TRIM14: variants seen among roughly 807,000 people sequenced by gnomAD.
TRIM14 encodes the protein tripartite motif containing 14.
Under a neutral mutation model 44.5 loss-of-function variants are expected in TRIM14, and 28 were observed. That is an observed-to-expected ratio of 0.63 (90% CI 0.47 to 0.86). The LOEUF (loss-of-function observed/expected upper bound fraction) is 0.86, where lower values mean the gene tolerates loss of function less well. Ranked by LOEUF, TRIM14 falls within the 40% of genes least tolerant of loss-of-function variation. The probability of loss-of-function intolerance (pLI) is 0.00; values close to 1 mark genes in which losing one functional copy is unlikely to be tolerated. For missense variants in TRIM14, 607 were observed against 611.1 expected (o/e 0.99, Z 0.07); for synonymous variants, 299 against 269.2 (o/e 1.11, Z -1.08).
intron 1 of TRIM14, among the ~76,000 whole-genome samples, chr9:98,112,222 T>C (rs138281993): frequency 6.6e-6 from 1 of 152,334 alleles, no homozygotes; most frequent in African/African-American, 2.4e-5. Flanking sequence ...CATATGTGAT[T>C]AAAACTACTT....
chr9:98,080,944 C>G, downstream of TRIM14: 1 of 1,614,208 alleles, frequency 6.2e-7, no homozygotes, highest in African/African-American at 1.3e-5. Context: ...TGGACAAGAC[C>G]TGGAAGGGGA....
At position 98,087,737 on chromosome 9, in the gene TRIM14, G is replaced by A. The variant is rs776463307; in HGVS notation, c.1062C>T (p.Arg354=). Residue 354 remains arginine (R), a synonymous_variant, in exon 6 of 6, where the codon CGC becomes CGT. Coordinates refer to ENST00000341469, the MANE Select transcript of TRIM14 (RefSeq NM_014788.4). ...ACCAGGACTGGCGGTTGCAGCCCAG[G>A]CGGGCGGCGGCCGAGGCCCCGCGGC... ...LRRRGASAAA[R]LGCNRQSWCL... is the part of the protein sequence containing the mutation. 4 of 1,569,432 alleles carry A rather than the reference G, an allele frequency of 2.5e-6. No individual in the cohort carries two copies. In the East Asian group the frequency reaches 9.3e-5, roughly 37 times the overall value.
At chr9:98,037,572 G>A in the TRIM14 span, among the ~76,000 whole-genome samples, 1 of 152,314 alleles carries the variant, frequency 6.6e-6, no homozygotes, top group East Asian at 1.9e-4. Context: ...GAAACAGGCT[G>A]TGCCAAGACC....
intron 1 of TRIM14, among the ~76,000 whole-genome samples, 182 bp downstream of exon 1, chr9:98,118,798 TCC>T (rs1375162586): frequency 4.6e-5 from 7 of 152,322 alleles, no homozygotes; most frequent in Non-Finnish European, 2.9e-5. Context: ...CCTTTGCCCT[TCC>T]TTGGGTCTCA....
chr9:98,058,941 A>G, the TRIM14 span, among the ~76,000 whole-genome samples: 2 of 152,162 alleles, frequency 1.3e-5, no homozygotes, highest in African/African-American at 2.4e-5. Flanking sequence ...ACTTTCCAGC[A>G]TCAAGTCCTG....
downstream of TRIM14, among the ~76,000 whole-genome samples, chr9:98,068,386 T>C (rs148703980): frequency 5.6e-3 from 849 of 152,132 alleles, 5 homozygotes; most frequent in African/African-American, 0.019. Flanking sequence ...GTGATCTGCC[T>C]TCCTCGGCCT....
Position 98,084,638 on chromosome 9 carries a change from G to C in TRIM14, c.*2832C>G, listed in dbSNP as rs572922065. 1 of 152,302 alleles carries C rather than the reference G, an allele frequency of 6.6e-6. No individual in the cohort carries two copies. The highest frequency in any genetic ancestry group is 2.1e-4 in the South Asian group (1 of 4,822). 9.4% of individuals were successfully genotyped at this position (152,302 alleles called of 1,614,324 possible). A position where few individuals can be genotyped will look rare whatever the true frequency, so the allele number is the denominator to read the frequency against. ...CCGTGCAAGCTCCCTTGGGAATGCTGATAAATCCTGGCATGATACAGCAGT... is the reference window on the plus strand; with the variant it reads ...CCGTGCAAGCTCCCTTGGGAATGCTCATAAATCCTGGCATGATACAGCAGT... On this transcript the variant is annotated 3_prime_UTR_variant, in exon 6 of 6. Coordinates refer to ENST00000341469, the MANE Select transcript of TRIM14 (RefSeq NM_014788.4).
the TRIM14 span, among the ~76,000 whole-genome samples, chr9:98,044,282 A>G: frequency 6.6e-6 from 1 of 151,494 alleles, no homozygotes; most frequent in East Asian, 1.9e-4. Flanking sequence ...GTTGCACGTC[A>G]TGAGGGTCAA....
chr9:98,119,071 G>A lies in TRIM14; in HGVS notation c.118C>T (p.Arg40Cys). Reference sequence around the variant, plus strand: ...GGGCAAAGCGCGCACACGCAGCGGCGGCAGCGGCGACAGAAGAGCTCAGCC... The same window carrying A: ...GGGCAAAGCGCGCACACGCAGCGGCAGCAGCGGCGACAGAAGAGCTCAGCC... ...RVAELFCRRC[R>C]RCVCALCPVL... Residue 40 changes from arginine to cysteine, a missense_variant, in exon 1 of 6, where the codon CGC (arginine) becomes TGC (cysteine). By Grantham distance (180) the Arg-to-Cys change is radical. Around this residue, in one of 3 missense-constraint regions of TRIM14, gnomAD observed 246 missense variants for 270.8 expected, o/e 0.91. Coordinates refer to ENST00000341469, the MANE Select transcript of TRIM14 (RefSeq NM_014788.4). The A allele has an allele frequency of 1.9e-6, 3 of 1,581,578 alleles. No individual in the cohort carries two copies. Among genetic ancestry groups the A allele is most frequent in the Non-Finnish European group, 2.6e-6 (3 of 1,173,922 alleles).
chr9:98,076,941 A>G (rs1829618916), intron 6 of TRIM14: 1 of 1,612,266 alleles, frequency 6.2e-7, no homozygotes, highest in Admixed American at 1.7e-5. Flanking sequence ...TCCTGCATGA[A>G]CTGAATGTTC....
chr9:98,064,776 T>G (rs1005689138), downstream of TRIM14, among the ~76,000 whole-genome samples: 8 of 152,160 alleles, frequency 5.3e-5, no homozygotes, highest in African/African-American at 1.9e-4. Context: ...TGCTGCTGCC[T>G]GGCTGGCAGC....
chr9:98,061,202 C>T, the TRIM14 span: 1 of 570,668 alleles, frequency 1.8e-6, no homozygotes, highest in Non-Finnish European at 3.1e-6. Flanking sequence ...TCTGGCCGGG[C>T]TTGATGGCTC....
intron 5 of TRIM14, among the ~76,000 whole-genome samples, chr9:98,089,286 C>T (rs982565249): frequency 6.6e-6 from 1 of 152,094 alleles, no homozygotes; most frequent in Non-Finnish European, 1.5e-5. Context: ...AAGCGATTCT[C>T]CTACCTAAGG....
chr9:98,040,398 G>A, the TRIM14 span, among the ~76,000 whole-genome samples: 15 of 151,842 alleles, frequency 9.9e-5, no homozygotes, highest in Non-Finnish European at 2.2e-4. Context: ...TGGACTGCTC[G>A]GGGCCTTTGA....
rs538066002 is a variant in TRIM14 at position 98,094,781 on chromosome 9, TGTAGGGAG to T, written c.700+78_700+85del. 3.6e-4 allele frequency: 522 copies of T among 1,459,520 alleles called. 4 individuals are homozygous for T. The East Asian group carries it at 0.011, about 30-fold the overall frequency. 90.4% of individuals were successfully genotyped at this position (1,459,520 alleles called of 1,614,324 possible). ...GGGCCTCAGTGTGGGAGAGACAGGA[TGTAGGGAG>T]ATGATCTTTGCATTCGTCTCTGGGC... On this transcript the variant is annotated intron_variant, in intron 4 of 5. Transcript: ENST00000341469.
chr9:98,060,914 G>A, the TRIM14 span: 1 of 1,614,214 alleles, frequency 6.2e-7, no homozygotes, highest in Non-Finnish European at 8.5e-7. Flanking sequence ...ACGACATCTG[G>A]AGTTCAGCCA....
At chr9:98,102,621 C>T (rs1826440538) in intron 2 of TRIM14, among the ~76,000 whole-genome samples, 2 of 152,168 alleles carry the variant, frequency 1.3e-5, no homozygotes, top group Admixed American at 1.3e-4. Flanking sequence ...TGTGAAACAT[C>T]TAGACCAGGC....
chr9:98,098,299 C>T (rs768865544), intron 3 of TRIM14, among the ~76,000 whole-genome samples: 6 of 152,176 alleles, frequency 3.9e-5, no homozygotes, highest in Non-Finnish European at 1.5e-5. Context: ...CTCTGAACTT[C>T]CCAAGGCAAA....
chr9:98,038,072 A>G, the TRIM14 span, among the ~76,000 whole-genome samples: 1 of 151,692 alleles, frequency 6.6e-6, no homozygotes. Context: ...TATTTTTGAG[A>G]TGGAGTCTTT....
Sources: gnomAD v4.1 joint callset for allele counts (sites outside exome capture counted in the v4.1 genomes callset) on GRCh38, gnomAD v4.1.1 for gene constraint, gnomAD v4.1.1 regional missense constraint, MANE v1.5 for transcripts, NCBI Gene and HGNC (gene_info 2026-07-23, HGNC 2026-07-21) for gene names.